PLAT: variants seen among roughly 807,000 people sequenced by gnomAD.
The protein encoded by PLAT is tissue-type plasminogen activator.
PLAT carries 48 observed loss-of-function variants against 74.9 expected under a neutral mutation model. The observed-to-expected ratio is 0.64, with a 90% CI of 0.51 to 0.82. PLAT has a LOEUF of 0.82. PLAT is among the 40% of genes least tolerant of loss of function. PLAT has a pLI of 0.00. For missense variants in PLAT, 673 were observed against 736.2 expected, an observed-to-expected ratio of 0.91 and a Z score of 0.99; for synonymous variants, 307 against 294.4, an observed-to-expected ratio of 1.04 and a Z score of -0.44.
chr8:42,182,663 A>T, intron 8 of PLAT, 56 bp downstream of exon 8: 1 of 1,364,196 alleles, frequency 7.3e-7, no homozygotes. Flanking sequence ...CCCCCGTCTC[A>T]CACCCTAATC....
intron 9 of PLAT, among the ~76,000 whole-genome samples, chr8:42,181,478 C>T (rs944784575): frequency 1.3e-5 from 2 of 152,170 alleles, no homozygotes; most frequent in African/African-American, 4.8e-5. Context: ...CCTCCCGGTG[C>T]CCAGCGAGCT....
intron 7 of PLAT, among the ~76,000 whole-genome samples, chr8:42,183,830 G>A (rs1805344148): frequency 6.6e-6 from 1 of 152,060 alleles, no homozygotes; most frequent in Non-Finnish European, 1.5e-5. Flanking sequence ...AGAGTCACAG[G>A]CATCACCCGT....
chr8:42,193,325 G>T, intron 1 of PLAT, 114 bp from the exon 2 acceptor site: 1 of 653,950 alleles, frequency 1.5e-6, no homozygotes, highest in Non-Finnish European at 2.7e-6. Context: ...CCAGCCCCGC[G>T]GCAGAAACGC....
intron 12 of PLAT, among the ~76,000 whole-genome samples, chr8:42,179,470 G>A (rs1025320498): frequency 1.3e-5 from 2 of 152,114 alleles, no homozygotes; most frequent in African/African-American, 4.8e-5. Flanking sequence ...ACATCCATTC[G>A]TTCAATATTA....
chr8:42,207,055 G>T (rs1480865756), intron 1 of PLAT, among the ~76,000 whole-genome samples: 5 of 152,188 alleles, frequency 3.3e-5, no homozygotes, highest in Non-Finnish European at 5.9e-5. Flanking sequence ...CCTTTCTGGG[G>T]GTTCATCGGG....
chr8:42,198,680 C>T (rs759953549), intron 1 of PLAT, among the ~76,000 whole-genome samples: 2 of 152,174 alleles, frequency 1.3e-5, no homozygotes, highest in Non-Finnish European at 2.9e-5. Flanking sequence ...GAAAGACAAA[C>T]GTAAATTGAT....
chr8:42,195,989 T>C (rs982495858), intron 1 of PLAT, among the ~76,000 whole-genome samples: 2 of 152,154 alleles, frequency 1.3e-5, no homozygotes, highest in Non-Finnish European at 2.9e-5. Flanking sequence ...GGATACAGTT[T>C]GGGTGTTTTT....
chr8:42,186,362 A>G (rs1805458103), intron 6 of PLAT: 1 of 152,234 alleles, frequency 6.6e-6, no homozygotes, highest in Admixed American at 6.5e-5. Flanking sequence ...GTAAAAATGC[A>G]GATGAACTGA....
intron 6 of PLAT, 51 bp downstream of exon 6, chr8:42,187,347 G>T (rs371721752): frequency 2.0e-6 from 3 of 1,469,346 alleles, no homozygotes; most frequent in African/African-American, 2.8e-5. Context: ...TCTTTCCCCA[G>T]CTGTAGCAGC....
intron 12 of PLAT, 117 bp downstream of exon 12, chr8:42,179,809 G>T: frequency 9.7e-7 from 1 of 1,033,066 alleles, no homozygotes; most frequent in Non-Finnish European, 1.4e-6. Flanking sequence ...CGGGACTGGC[G>T]TCAGTGCCTG....
chr8:42,176,352 T>C (rs1485941430), intron 13 of PLAT, among the ~76,000 whole-genome samples: 1 of 152,228 alleles, frequency 6.6e-6, no homozygotes, highest in Non-Finnish European at 1.5e-5. Context: ...CTGGGTTTTG[T>C]CCAGGTACCC....
intron 1 of PLAT, among the ~76,000 whole-genome samples, chr8:42,198,352 C>T (rs932817897): frequency 6.6e-6 from 1 of 152,138 alleles, no homozygotes; most frequent in Non-Finnish European, 1.5e-5. Flanking sequence ...ATTAGCTGGG[C>T]ATGGTGGCGG....
chr8:42,186,697 CTCTCTCTCTATT>C (rs1439164192), intron 6 of PLAT: 3 of 152,170 alleles, frequency 2.0e-5, no homozygotes, highest in Non-Finnish European at 4.4e-5. Flanking sequence ...CACATTCTCT[CTCTCTCTCTATT>C]TCTCTCTCCT....
chr8:42,203,677 A>G (rs1350287265), intron 1 of PLAT, among the ~76,000 whole-genome samples: 1 of 152,122 alleles, frequency 6.6e-6, no homozygotes, highest in Non-Finnish European at 1.5e-5. Context: ...AAATATCACT[A>G]AGAGGGACTG....
chr8:42,178,747 T>C, intron 13 of PLAT, 150 bp downstream of exon 13: 1 of 694,296 alleles, frequency 1.4e-6, no homozygotes, highest in Non-Finnish European at 2.4e-6. Context: ...TGCTTTATTC[T>C]GTGAGGCCCT....
At chr8:42,179,826 G>T (rs1805141240) in intron 12 of PLAT, 100 bp downstream of exon 12, 3 of 1,231,874 alleles carry the variant, frequency 2.4e-6, no homozygotes, top group Non-Finnish European at 2.2e-6. Context: ...CCTGACCCGG[G>T]GCTGGAACTT....
At chr8:42,202,720 A>G (rs1220030087) in intron 1 of PLAT, among the ~76,000 whole-genome samples, 3 of 152,052 alleles carry the variant, frequency 2.0e-5, no homozygotes, top group Admixed American at 2.0e-4. Flanking sequence ...AGGGTACAGC[A>G]GAGCAGCGCC....
intron 1 of PLAT, among the ~76,000 whole-genome samples, chr8:42,205,034 G>T (rs1487418903): frequency 3.3e-5 from 5 of 152,078 alleles, no homozygotes; most frequent in Non-Finnish European, 7.4e-5. Context: ...AAGATAAAAG[G>T]CTACATACCT....
chr8:42,192,247 T>G (rs1481743257), intron 2 of PLAT, among the ~76,000 whole-genome samples: 1 of 152,108 alleles, frequency 6.6e-6, no homozygotes, highest in Non-Finnish European at 1.5e-5. Flanking sequence ...CAAGCGATCC[T>G]CCCACCTCGG....
Sources: allele counts gnomAD v4.1 joint callset (sites outside exome capture counted in the v4.1 genomes callset), GRCh38; gene constraint gnomAD v4.1.1; transcripts MANE v1.5; gene names NCBI Gene and HGNC (gene_info 2026-07-23, HGNC 2026-07-21).